The following TRPM3 variants were observed in gnomAD, a reference collection of about 807,000 sequenced individuals.
The protein encoded by TRPM3 is transient receptor potential cation channel subfamily M member 3.
In TRPM3, 77 loss-of-function variants were observed where a neutral mutation model predicts 181.2. That is an observed-to-expected ratio of 0.42 (90% confidence interval 0.35 to 0.51). TRPM3 has a LOEUF of 0.51. TRPM3 is among the 20% of genes least tolerant of loss of function. The pLI is 0.01. For synonymous variants in TRPM3, 745 were observed against 796.4 expected, an observed-to-expected ratio of 0.94 and a Z score of 1.09; for missense variants, 1,759 against 2,196.7, an observed-to-expected ratio of 0.80 and a Z score of 3.98.
chr9:71,140,454 G>C (rs2075029246), intron 1 of TRPM3, among the ~76,000 whole-genome samples: 1 of 152,080 alleles, frequency 6.6e-6, no homozygotes, highest in Admixed American at 6.6e-5. Context: ...TTCATTCTCT[G>C]AATCTGTTCC....
chr9:71,324,040 T>C (rs182679085), intron 1 of TRPM3, among the ~76,000 whole-genome samples: 1 of 152,250 alleles, frequency 6.6e-6, no homozygotes, highest in Admixed American at 6.5e-5. Flanking sequence ...TTATTCCCAA[T>C]GCTCTTTGTC....
chr9:71,189,282 G>C (rs949978839), intron 1 of TRPM3, among the ~76,000 whole-genome samples: 13 of 151,830 alleles, frequency 8.6e-5, no homozygotes, highest in Non-Finnish European at 1.6e-4. Context: ...GCTTTCCCTT[G>C]CTTAATCAAC....
At chr9:70,987,966 TTTA>T (rs1294746997) in intron 1 of TRPM3, among the ~76,000 whole-genome samples, 2 of 152,170 alleles carry the variant, frequency 1.3e-5, no homozygotes, top group African/African-American at 2.4e-5. Flanking sequence ...CTCCTTATAA[TTTA>T]TTATCATTGC....
At chr9:71,405,181 C>T (rs1481378208) in intron 1 of TRPM3, among the ~76,000 whole-genome samples, 1 of 152,118 alleles carries the variant, frequency 6.6e-6, no homozygotes, top group Non-Finnish European at 1.5e-5. Flanking sequence ...ATAATTATTC[C>T]TTGTCTGTCT....
At chr9:71,352,365 T>C (rs991262231) in intron 1 of TRPM3, among the ~76,000 whole-genome samples, 1 of 152,228 alleles carries the variant, frequency 6.6e-6, no homozygotes, top group Non-Finnish European at 1.5e-5. Flanking sequence ...TAACTTCATA[T>C]AGTTATTCAT....
At chr9:71,077,906 C>CTTTTTTTTTTT (rs574083427) in intron 1 of TRPM3, among the ~76,000 whole-genome samples, 1 of 130,832 alleles carries the variant, frequency 7.6e-6, no homozygotes. Flanking sequence ...TTGTTTTTGT[C>CTTTTTTTTTTT]TTTTTTTTTT....
At chr9:71,287,238 T>C (rs2132244147) in intron 1 of TRPM3, among the ~76,000 whole-genome samples, 1 of 150,980 alleles carries the variant, frequency 6.6e-6, no homozygotes, top group South Asian at 2.1e-4. Flanking sequence ...AGAAATACAT[T>C]GTGTAAGAGA....
intron 1 of TRPM3, among the ~76,000 whole-genome samples, chr9:71,405,678 A>AT (rs2093424217): frequency 2.0e-5 from 3 of 152,172 alleles, no homozygotes; most frequent in Non-Finnish European, 4.4e-5. Flanking sequence ...ATAAAATGTC[A>AT]TTTTATGAAT....
rs1248210981 is a variant in TRPM3, at chr9:71,032,196, A to T, written c.177+88982T>A. On this transcript the variant is annotated intron_variant, in intron 1 of 25. Coordinates refer to ENST00000677713, the MANE Select transcript of TRPM3 (RefSeq NM_001366145.2). ...ATATATACTATATATTATATAATAT[A>T]ATATATAATATATAGCAAGCTAATA... Among the ~76,000 whole-genome samples, 6 of 59,926 alleles carry T rather than the reference A, an allele frequency of 1.0e-4. 1 individual carries two copies. In the South Asian group the frequency reaches 2.2e-3, roughly 22 times the overall value. The allele number at this position is 59,926 out of a possible 152,430, so 39.3% of individuals were successfully genotyped here.
At chr9:71,045,740 A>G (rs958351395) in intron 1 of TRPM3, among the ~76,000 whole-genome samples, 1 of 152,328 alleles carries the variant, frequency 6.6e-6, no homozygotes, top group African/African-American at 2.4e-5. Flanking sequence ...AGTTCTAAAC[A>G]CAGGCTAAGA....
intron 1 of TRPM3, among the ~76,000 whole-genome samples, chr9:71,084,852 G>A (rs2065009481): frequency 6.6e-6 from 1 of 151,984 alleles, no homozygotes; most frequent in South Asian, 2.1e-4. Flanking sequence ...CAAAGACAGT[G>A]ACATCACGTT....
chr9:71,000,008 T>C (rs1021482464), intron 1 of TRPM3, among the ~76,000 whole-genome samples: 8 of 152,142 alleles, frequency 5.3e-5, no homozygotes, highest in Non-Finnish European at 2.9e-5. Context: ...TGCCATAACC[T>C]AGTGTTTTGG....
chr9:71,131,626 T>C (rs958695169), intron 1 of TRPM3, among the ~76,000 whole-genome samples: 8 of 152,184 alleles, frequency 5.3e-5, no homozygotes, highest in Non-Finnish European at 1.0e-4. Flanking sequence ...CTATTGCTTG[T>C]CTATAAACTG....
At chr9:71,368,133 T>TC (rs2092400492) in intron 1 of TRPM3, among the ~76,000 whole-genome samples, 1 of 151,804 alleles carries the variant, frequency 6.6e-6, no homozygotes, top group East Asian at 1.9e-4. Context: ...ATTTTTTTTT[T>TC]AGATGTGCCA....
At chr9:70,778,010 CACA>C (rs1564238489) in intron 7 of TRPM3, among the ~76,000 whole-genome samples, 1 of 151,140 alleles carries the variant, frequency 6.6e-6, no homozygotes, top group Non-Finnish European at 1.5e-5. Context: ...CACACACACA[CACA>C]AAACACTGCC....
At chr9:71,386,693 A>G (rs1345730692) in intron 1 of TRPM3, among the ~76,000 whole-genome samples, 1 of 152,222 alleles carries the variant, frequency 6.6e-6, no homozygotes, top group Non-Finnish European at 1.5e-5. Context: ...TCATTATATA[A>G]CACTAAACCA....
intron 1 of TRPM3, among the ~76,000 whole-genome samples, chr9:71,245,304 TGTG>T (rs1466807775): frequency 6.6e-6 from 1 of 151,704 alleles, no homozygotes; most frequent in East Asian, 1.9e-4. Context: ...ATTAGCCGGG[TGTG>T]GTGGCATGCA....
chr9:70,898,747 CAAAA>C (rs34952516), intron 1 of TRPM3, among the ~76,000 whole-genome samples: 1 of 93,354 alleles, frequency 1.1e-5, no homozygotes, highest in Non-Finnish European at 2.1e-5. Context: ...GACTTCATCT[CAAAA>C]AAAAAAAAAA....
intron 1 of TRPM3, among the ~76,000 whole-genome samples, chr9:71,047,694 G>C (rs562118597): frequency 6.6e-6 from 1 of 152,238 alleles, no homozygotes; most frequent in South Asian, 2.1e-4. Context: ...TTTGTCATCA[G>C]CAAAAGCTAG....
Sources: allele counts gnomAD v4.1 joint callset (sites outside exome capture counted in the v4.1 genomes callset), GRCh38; gene constraint gnomAD v4.1.1; transcripts MANE v1.5; gene names NCBI Gene and HGNC (gene_info 2026-07-23, HGNC 2026-07-21).